Variants in ADGRB3 observed in about 807,000 individuals in gnomAD.
The protein encoded by ADGRB3 is brain-specific angiogenesis inhibitor 3.
In ADGRB3, 37 loss-of-function variants were observed where a neutral mutation model predicts 193.4. The observed-to-expected ratio is 0.19, with a 90% CI of 0.15 to 0.25. The LOEUF is 0.25. ADGRB3 is among the 10% of genes least tolerant of loss of function. The pLI is 1.00. For missense variants in ADGRB3, 1,637 were observed against 1,852.9 expected (o/e 0.88, Z 2.14); for synonymous variants, 690 against 644.2 (o/e 1.07, Z -1.08).
rs186615902 is a variant in ADGRB3, at chr6:69,179,542, A to G, written c.2481-53748A>G. 1.2e-3 allele frequency among the ~76,000 whole-genome samples: 189 copies of G among 152,308 alleles called. 3 individuals carry two copies. The South Asian group carries it at 0.017, about 14-fold the overall frequency. ...GCTCATGTGATCCTTTGCTGGCATC[A>G]CTACATTCAGATTTTTCATGGTGCC... On this transcript the variant is annotated intron_variant, in intron 17 of 31. Transcript: ENST00000370598.
At chr6:69,063,936 A>G (rs1372375141) in intron 16 of ADGRB3, among the ~76,000 whole-genome samples, 1 of 151,866 alleles carries the variant, frequency 6.6e-6, no homozygotes, top group Non-Finnish European at 1.5e-5. Flanking sequence ...ACTTGTACAT[A>G]TTTTTATCCT....
chr6:69,218,814 C>A (rs899809498), intron 17 of ADGRB3, among the ~76,000 whole-genome samples: 5 of 152,116 alleles, frequency 3.3e-5, no homozygotes, highest in Non-Finnish European at 5.9e-5. Context: ...ATTTTCTGTA[C>A]AACAACTGAG....
chr6:69,246,958 T>A (rs528850633), intron 20 of ADGRB3, among the ~76,000 whole-genome samples: 2 of 152,238 alleles, frequency 1.3e-5, no homozygotes, highest in East Asian at 3.9e-4. Flanking sequence ...GCTGAGGGAA[T>A]TGTACAAAAG....
chr6:68,923,599 T>G (rs1425093993), intron 3 of ADGRB3, among the ~76,000 whole-genome samples: 2 of 152,088 alleles, frequency 1.3e-5, no homozygotes, highest in Non-Finnish European at 2.9e-5. Flanking sequence ...TTTTAAGTTA[T>G]TTCAGTAAAT....
chr6:68,835,198 C>T (rs573018857), intron 3 of ADGRB3, among the ~76,000 whole-genome samples: 1 of 152,210 alleles, frequency 6.6e-6, no homozygotes, highest in East Asian at 1.9e-4. Context: ...ATTTTAAATA[C>T]TTTCCATATA....
At chr6:68,856,889 GC>G (rs1165066161) in intron 3 of ADGRB3, among the ~76,000 whole-genome samples, 13 of 152,178 alleles carry the variant, frequency 8.5e-5, no homozygotes, top group Non-Finnish European at 1.6e-4. Context: ...CATGGGCCAG[GC>G]CCTGGGCTCT....
In ADGRB3 at chr6:68,950,567, G is replaced by A. The variant is rs142405846; in HGVS notation, c.1196-5457G>A. On this transcript the variant is annotated intron_variant, in intron 6 of 31. Transcript: ENST00000370598. ...AAAAAGATAGAAATTTTGATTTAAG[G>A]GCTATAGACACCCAGATTGTTGAAC... Among the ~76,000 whole-genome samples the A allele has an allele frequency of 9.9e-3, 1,503 of 152,020 alleles. 21 individuals are homozygous for A. The highest frequency in any genetic ancestry group is 0.034 in the African/African-American group (1,415 of 41,430).
chr6:69,013,496 A>G (rs1769997411), intron 11 of ADGRB3, among the ~76,000 whole-genome samples: 1 of 152,068 alleles, frequency 6.6e-6, no homozygotes. Context: ...TCAGGAACTT[A>G]GAAACTTTTA....
intron 17 of ADGRB3, among the ~76,000 whole-genome samples, chr6:69,152,927 T>C (rs1211724338): frequency 6.6e-6 from 1 of 152,158 alleles, no homozygotes; most frequent in Non-Finnish European, 1.5e-5. Flanking sequence ...GGAACTGCAT[T>C]GATGTACTCA....
intron 12 of ADGRB3, among the ~76,000 whole-genome samples, chr6:69,016,021 G>A (rs1238075148): frequency 2.0e-5 from 3 of 151,900 alleles, no homozygotes; most frequent in African/African-American, 7.2e-5. Context: ...TGCAGCCAGT[G>A]AGCCAAATCC....
chr6:68,805,165 G>A (rs960738806), intron 3 of ADGRB3, among the ~76,000 whole-genome samples: 3 of 151,944 alleles, frequency 2.0e-5, no homozygotes, highest in Non-Finnish European at 2.9e-5. Flanking sequence ...TCTAATTCCC[G>A]GCCTAAAGTG....
chr6:68,740,349 G>C (rs1234165757), intron 3 of ADGRB3, among the ~76,000 whole-genome samples: 2 of 152,184 alleles, frequency 1.3e-5, no homozygotes, highest in South Asian at 4.1e-4. Flanking sequence ...CTTGAGCCCA[G>C]GAGTTGGAGA....
At chr6:69,145,155 C>T (rs1391098614) in intron 17 of ADGRB3, among the ~76,000 whole-genome samples, 4 of 152,200 alleles carry the variant, frequency 2.6e-5, no homozygotes, top group Admixed American at 1.3e-4. Flanking sequence ...CAAGCATACT[C>T]GGCTTGCACT....
chr6:69,036,415 CTAAT>C (rs1037326337), intron 13 of ADGRB3, among the ~76,000 whole-genome samples: 72 of 152,166 alleles, frequency 4.7e-4, no homozygotes, highest in Middle Eastern at 3.4e-3. Flanking sequence ...CTCACTGCCT[CTAAT>C]TAAGCCCTTG....
Position 68,669,440 on chromosome 6 carries a change from C to T in ADGRB3, c.757+30008C>T, listed in dbSNP as rs893972909. Among the ~76,000 whole-genome samples, 34 of 151,750 alleles carry T rather than the reference C, an allele frequency of 2.2e-4. 1 individual carries two copies. Among genetic ancestry groups the T allele is most frequent in the Admixed American group, 1.3e-4 (2 of 15,170 alleles). On this transcript the variant is annotated intron_variant, in intron 3 of 31. Transcript: ENST00000370598. ...TAACCATCCTTTTACTCTCTATGTC[C>T]GTGAGTTCAATTGTTTTGATTTTTA...
At chr6:69,035,885 ATAGAGGTGC>A (rs1770854531) in intron 13 of ADGRB3, among the ~76,000 whole-genome samples, 1 of 152,162 alleles carries the variant, frequency 6.6e-6, no homozygotes. Flanking sequence ...AGTAAAGTCG[ATAGAGGTGC>A]TATTTATGGA....
At chr6:69,169,655 T>C (rs1308047673) in intron 17 of ADGRB3, among the ~76,000 whole-genome samples, 1 of 151,784 alleles carries the variant, frequency 6.6e-6, no homozygotes. Context: ...AAGTACAAAT[T>C]GAATCTGTTG....
At position 69,071,160 on chromosome 6, in the gene ADGRB3, G is replaced by A. The variant is rs1772067852; in HGVS notation, c.2437-4835G>A. On this transcript the variant is annotated intron_variant, in intron 16 of 31. Coordinates refer to ENST00000370598, the MANE Select transcript of ADGRB3 (RefSeq NM_001704.3). ...TGGTTGCAGAATGGTTAGACTTGTTGTGATCATCTGCCTGCTCTCTCTTCT... is the reference window on the plus strand; with the variant it reads ...TGGTTGCAGAATGGTTAGACTTGTTATGATCATCTGCCTGCTCTCTCTTCT... Among the ~76,000 whole-genome samples, 3 of 152,178 alleles carry A rather than the reference G, an allele frequency of 2.0e-5. No homozygotes were observed. In the South Asian group the frequency reaches 6.2e-4, roughly 31 times the overall value.
intron 3 of ADGRB3, among the ~76,000 whole-genome samples, chr6:68,785,899 G>A (rs1052506114): frequency 3.3e-5 from 5 of 152,140 alleles, no homozygotes; most frequent in Non-Finnish European, 5.9e-5. Flanking sequence ...GCATTTCTCT[G>A]ATGGCCAGTG....
Sources: allele counts gnomAD v4.1 joint callset (sites outside exome capture counted in the v4.1 genomes callset), GRCh38; gene constraint gnomAD v4.1.1; transcripts MANE v1.5; gene names NCBI Gene and HGNC (gene_info 2026-07-23, HGNC 2026-07-21).